The following SLC4A10 variants were observed in gnomAD, a reference collection of about 807,000 sequenced individuals.
SLC4A10 encodes sodium-driven chloride bicarbonate exchanger.
A neutral mutation model predicts 137.7 loss-of-function variants in SLC4A10; 42 were observed. The observed-to-expected ratio is 0.30, with a 90% CI of 0.24 to 0.39. The LOEUF (loss-of-function observed/expected upper bound fraction) is 0.39, where lower values mean the gene tolerates loss of function less well. SLC4A10 is among the 10% of genes least tolerant of loss of function. The pLI is 1.00. For missense variants in SLC4A10, 925 were observed against 1,355.0 expected (o/e 0.68, Z 4.98); for synonymous variants, 474 against 464.1 (o/e 1.02, Z -0.27).
intron 3 of SLC4A10, among the ~76,000 whole-genome samples, chr2:161,828,808 A>G (rs77569314): frequency 0.067 from 8,163 of 122,470 alleles, 496 homozygotes; most frequent in African/African-American, 0.11. Flanking sequence ...ATATATATAT[A>G]TGTATAATCT....
chr2:161,879,310 T>C (rs2061615408), intron 9 of SLC4A10, 22 bp downstream of exon 9: 2 of 1,574,398 alleles, frequency 1.3e-6, no homozygotes, highest in Admixed American at 1.8e-5. Flanking sequence ...AAAAGCGTCT[T>C]TTGTATTTTT....
chr2:161,624,974 C>T, intron 1 of SLC4A10, among the ~76,000 whole-genome samples: 1 of 151,992 alleles, frequency 6.6e-6, no homozygotes. Context: ...CTCCCCCTGC[C>T]TCATCCCCAG....
chr2:161,739,119 G>A (rs903646341), intron 1 of SLC4A10, among the ~76,000 whole-genome samples: 1 of 152,026 alleles, frequency 6.6e-6, no homozygotes, highest in African/African-American at 2.4e-5. Context: ...GGGTGGGTGG[G>A]GGGAACATGA....
intron 2 of SLC4A10, among the ~76,000 whole-genome samples, chr2:161,788,182 T>C (rs1194851354): frequency 1.3e-5 from 2 of 152,040 alleles, no homozygotes; most frequent in African/African-American, 2.4e-5. Context: ...ATGGGCTCCT[T>C]GGTTATGGAT....
chr2:161,876,697 A>G (rs773420115), intron 8 of SLC4A10, among the ~76,000 whole-genome samples: 3 of 152,114 alleles, frequency 2.0e-5, no homozygotes, highest in Non-Finnish European at 2.9e-5. Context: ...AACTTAACCA[A>G]ACCAAAAAAG....
At chr2:161,731,753 A>T (rs2046841256) in intron 1 of SLC4A10, among the ~76,000 whole-genome samples, 1 of 152,106 alleles carries the variant, frequency 6.6e-6, no homozygotes, top group Non-Finnish European at 1.5e-5. Context: ...TACAAGCTTA[A>T]CCCATGAGAT....
At position 161,957,686 on chromosome 2, in the gene SLC4A10, T is replaced by G. The variant is rs891293490; in HGVS notation, c.2793+446T>G. Among the ~76,000 whole-genome samples, 6 of 152,200 alleles carry G rather than the reference T, an allele frequency of 3.9e-5. 1 individual carries two copies. Among genetic ancestry groups the G allele is most frequent in the Admixed American group, 2.6e-4 (4 of 15,278 alleles). ...GCCTGGTTATAGTCACATACGCAGT[T>G]TTCCATTTTAAGTGCTCTGTAAAAC... On this transcript the variant is annotated intron_variant, in intron 20 of 26. Coordinates refer to ENST00000446997, the MANE Select transcript of SLC4A10 (RefSeq NM_001178015.2).
chr2:161,915,033 T>A (rs1003652234), intron 15 of SLC4A10, among the ~76,000 whole-genome samples: 7 of 152,076 alleles, frequency 4.6e-5, no homozygotes, highest in Non-Finnish European at 8.8e-5. Flanking sequence ...ACCAATCAAA[T>A]GTTGCCTTTT....
intron 1 of SLC4A10, among the ~76,000 whole-genome samples, chr2:161,640,099 C>T (rs1389850375): frequency 6.6e-6 from 1 of 152,044 alleles, no homozygotes; most frequent in African/African-American, 2.4e-5. Context: ...TGTTACTTCT[C>T]CATTTTTTAT....
intron 1 of SLC4A10, among the ~76,000 whole-genome samples, chr2:161,752,393 G>A (rs1157541350): frequency 2.0e-5 from 3 of 152,006 alleles, no homozygotes; most frequent in East Asian, 1.9e-4. Context: ...TTCTTAAGGT[G>A]ATGAATGGTA....
intron 15 of SLC4A10, among the ~76,000 whole-genome samples, chr2:161,927,254 G>A (rs1228126855): frequency 6.6e-6 from 1 of 152,086 alleles, no homozygotes; most frequent in East Asian, 1.9e-4. Flanking sequence ...GGCTTTGTTT[G>A]TTTCTTTTTA....
chr2:161,744,783 A>G (rs192596910), intron 1 of SLC4A10, among the ~76,000 whole-genome samples: 1 of 152,184 alleles, frequency 6.6e-6, no homozygotes, highest in East Asian at 1.9e-4. Context: ...GTTTCTATTT[A>G]TTTCTTACTA....
intron 5 of SLC4A10, among the ~76,000 whole-genome samples, chr2:161,857,557 C>T (rs943032425): frequency 6.6e-6 from 1 of 152,030 alleles, no homozygotes; most frequent in Non-Finnish European, 1.5e-5. Context: ...TATAATTTGG[C>T]TAAATTTAAA....
intron 10 of SLC4A10, among the ~76,000 whole-genome samples, chr2:161,885,691 A>G (rs1325514260): frequency 2.0e-5 from 3 of 152,318 alleles, no homozygotes; most frequent in Admixed American, 2.0e-4. Context: ...ATCCCTTCAC[A>G]TTCTCAAAAA....
intron 23 of SLC4A10, among the ~76,000 whole-genome samples, chr2:161,970,869 A>G (rs1698398932): frequency 6.6e-6 from 1 of 152,192 alleles, no homozygotes; most frequent in East Asian, 1.9e-4. Flanking sequence ...TTTGACTTCA[A>G]TTTATCTCTT....
At chr2:161,754,644 C>T (rs893970382) in intron 1 of SLC4A10, among the ~76,000 whole-genome samples, 2 of 152,086 alleles carry the variant, frequency 1.3e-5, no homozygotes, top group Admixed American at 6.6e-5. Context: ...GATTTGAAGT[C>T]ATTTGTCTGT....
At chr2:161,931,405 A>T (rs1478882421) in intron 15 of SLC4A10, 1 of 152,326 alleles carries the variant, frequency 6.6e-6, no homozygotes, top group Non-Finnish European at 1.5e-5. Context: ...GTTACTTGGT[A>T]CCTAAATTGG....
chr2:161,630,079 G>A (rs2033228825), intron 1 of SLC4A10, among the ~76,000 whole-genome samples: 1 of 151,800 alleles, frequency 6.6e-6, no homozygotes, highest in African/African-American at 2.4e-5. Flanking sequence ...GATTGTATAA[G>A]AGTATTTAGT....
At chr2:161,782,311 TA>T (rs1266756862) in intron 2 of SLC4A10, among the ~76,000 whole-genome samples, 1 of 151,796 alleles carries the variant, frequency 6.6e-6, no homozygotes, top group Non-Finnish European at 1.5e-5. Flanking sequence ...CACAAGCAAA[TA>T]AGTTGAACAA....
Sources: gnomAD v4.1 joint callset for allele counts (sites outside exome capture counted in the v4.1 genomes callset) on GRCh38, gnomAD v4.1.1 for gene constraint, MANE v1.5 for transcripts, NCBI Gene and HGNC (gene_info 2026-07-23, HGNC 2026-07-21) for gene names.